Variants in HBS1L observed in about 807,000 individuals in gnomAD.
HBS1L encodes HBS1-like protein.
Under a neutral mutation model 88.9 loss-of-function variants are expected in HBS1L, and 55 were observed. The ratio of observed to expected loss-of-function variants is 0.62; its 90% CI spans 0.50 to 0.77. The LOEUF (loss-of-function observed/expected upper bound fraction) is 0.77. HBS1L is among the 30% of genes least tolerant of loss of function. HBS1L has a pLI of 0.00. For missense variants in HBS1L, 741 were observed against 829.3 expected (o/e 0.89, Z 1.31); for synonymous variants, 267 against 288.5 (o/e 0.93, Z 0.76).
chr6:135,050,475 T>G, intron 2 of HBS1L, 107 bp downstream of exon 2: 1 of 633,000 alleles, frequency 1.6e-6, no homozygotes, highest in Non-Finnish European at 2.7e-6. Flanking sequence ...ATTAACTTTT[T>G]AAATGTTATA....
intron 4 of HBS1L, among the ~76,000 whole-genome samples, chr6:135,034,417 G>A (rs146928197): frequency 1.4e-4 from 21 of 152,300 alleles, no homozygotes; most frequent in African/African-American, 5.1e-4. Flanking sequence ...GCCGAGGTGG[G>A]CGGATCATCT....
At chr6:134,995,364 A>G (rs1247213357) in intron 7 of HBS1L, among the ~76,000 whole-genome samples, 1 of 152,112 alleles carries the variant, frequency 6.6e-6, no homozygotes, top group East Asian at 1.9e-4. Flanking sequence ...AACTCCCATC[A>G]TGTACCTGGA....
rs149787764 is a variant in HBS1L at position 135,039,619 on chromosome 6, C to G, written c.384G>C (p.Leu128Phe). The G allele has an allele frequency of 2.5e-3, 3,964 of 1,614,114 alleles. 9 individuals are homozygous for G. Among genetic ancestry groups the G allele is most frequent in the Non-Finnish European group, 2.8e-3 (3,353 of 1,179,992 alleles). Residue 128 changes from leucine (L) to phenylalanine (F), a missense_variant, in exon 4 of 18, where the codon TTG (leucine) becomes TTC (phenylalanine). Around this residue, in one of 3 missense-constraint regions of HBS1L, gnomAD observed 556 missense variants for 598.4 expected, o/e 0.93. Transcript: ENST00000367837. ...ATACTGTTGCCTCATTCTTGTCCTT[C>G]AAACTCTGCACTCTATCTTGTTCCA... ...GVLEQDRVQSLKDKNEATVST... is the reference protein window; with the variant it reads ...GVLEQDRVQSFKDKNEATVST...
At chr6:135,038,376 A>AC (rs398085325) in intron 4 of HBS1L, among the ~76,000 whole-genome samples, 2 of 152,002 alleles carry the variant, frequency 1.3e-5, no homozygotes, top group Admixed American at 6.6e-5. Context: ...TCTTTAAAAA[A>AC]ACAAAAAAAA....
At chr6:134,982,733 A>C in intron 12 of HBS1L, 171 bp from the exon 13 acceptor site, 1 of 398,162 alleles carries the variant, frequency 2.5e-6, no homozygotes, top group East Asian at 3.7e-5. Context: ...ACCACACTTT[A>C]CTTTTTTTTT....
At chr6:135,003,569 A>C (rs1775524878) in intron 4 of HBS1L, among the ~76,000 whole-genome samples, 1 of 47,316 alleles carries the variant, frequency 2.1e-5, no homozygotes, top group African/African-American at 4.7e-5. Context: ...TCCATCTCTT[A>C]AAAAAAAAAA....
In HBS1L at chr6:134,961,339, T is replaced by TTAAC. The variant is rs1404315834; in HGVS notation, c.*3936_*3939dup. 2 of 152,332 alleles carry TTAAC rather than the reference T, an allele frequency of 1.3e-5. No homozygotes were observed. Among genetic ancestry groups the TTAAC allele is most frequent in the African/African-American group, 4.8e-5 (2 of 41,570 alleles). 9.4% of individuals were successfully genotyped at this position (152,332 alleles called of 1,614,324 possible). A position where few individuals can be genotyped will look rare whatever the true frequency, so the allele number is the denominator to read the frequency against. ...GTATTTTACACCTACATTTACACTA[T>TTAAC]TAACTTATTTGTACATACTTAAATG... is the stretch of plus-strand genomic sequence containing the variant. On this transcript the variant is annotated 3_prime_UTR_variant, in exon 18 of 18. Coordinates refer to ENST00000367837, the MANE Select transcript of HBS1L (RefSeq NM_006620.4).
intron 4 of HBS1L, among the ~76,000 whole-genome samples, chr6:135,022,945 ATCTCCTCATAAAAATC>A (rs1776114285): frequency 6.6e-6 from 1 of 151,794 alleles, no homozygotes; most frequent in Admixed American, 6.6e-5. Context: ...AAGAGGTTGC[ATCTCCTCATAAAAATC>A]AAATGTTACT....
At chr6:135,025,973 A>T (rs1269079188) in intron 4 of HBS1L, among the ~76,000 whole-genome samples, 1 of 152,208 alleles carries the variant, frequency 6.6e-6, no homozygotes, top group Non-Finnish European at 1.5e-5. Flanking sequence ...TGGAGGTGGC[A>T]GAATCGAGGT....
At chr6:135,049,729 G>A (rs1265957352) in intron 2 of HBS1L, among the ~76,000 whole-genome samples, 1 of 152,096 alleles carries the variant, frequency 6.6e-6, no homozygotes, top group Non-Finnish European at 1.5e-5. Flanking sequence ...TCGCCACCAT[G>A]CCTGGCTACT....
chr6:134,970,617 C>A (rs961133051), intron 15 of HBS1L, among the ~76,000 whole-genome samples: 12 of 152,096 alleles, frequency 7.9e-5, no homozygotes, highest in Non-Finnish European at 8.8e-5. Context: ...AAATTAAAAT[C>A]AAAAAGGTTA....
intron 11 of HBS1L, 80 bp from the exon 12 acceptor site, chr6:134,985,489 C>T: frequency 1.3e-6 from 1 of 788,958 alleles, no homozygotes. Context: ...CATTATAATC[C>T]CACTTCTCCT....
intron 12 of HBS1L, among the ~76,000 whole-genome samples, chr6:134,984,180 G>A (rs1774914193): frequency 6.6e-6 from 1 of 152,142 alleles, no homozygotes; most frequent in African/African-American, 2.4e-5. Flanking sequence ...TAAACAATGG[G>A]CATCTTGGAA....
chr6:135,014,895 C>T (rs2114843051), intron 4 of HBS1L, among the ~76,000 whole-genome samples: 1 of 148,162 alleles, frequency 6.7e-6, no homozygotes, highest in South Asian at 2.2e-4. Context: ...ATTAGCTGGG[C>T]ATAGTGGTAC....
Position 134,961,066 on chromosome 6 carries a change from T to G in HBS1L, c.*4213A>C, listed in dbSNP as rs1245315156. The stretch of plus-strand genomic sequence containing the variant: ...ATTTTCTTGTTTCCTTTCCATCTTT[T>G]GCTGTACAGACTTAGTTTCTTTGCT... On this transcript the variant is annotated 3_prime_UTR_variant, in exon 18 of 18. Transcript: ENST00000367837. 1 of 150,960 alleles carries G rather than the reference T, an allele frequency of 6.6e-6. No individual in the cohort carries two copies. The highest frequency in any genetic ancestry group is 2.4e-5 in the African/African-American group (1 of 41,204). The allele number at this position is 150,960 out of a possible 1,614,324, so 9.4% of individuals were successfully genotyped here.
intron 3 of HBS1L, 37 bp from the exon 4 acceptor site, chr6:135,039,804 T>C (rs1776673463): frequency 4.6e-6 from 7 of 1,521,522 alleles, no homozygotes; most frequent in Non-Finnish European, 6.2e-6. Flanking sequence ...CTATACTAAA[T>C]GGTGCAATGA....
At chr6:134,994,350 T>C (rs768688452) in intron 7 of HBS1L, among the ~76,000 whole-genome samples, 5 of 152,110 alleles carry the variant, frequency 3.3e-5, no homozygotes, top group Non-Finnish European at 7.4e-5. Flanking sequence ...TTAGAAAACA[T>C]AAGATATCAA....
chr6:135,027,067 C>T (rs920436439), intron 4 of HBS1L: 11 of 151,294 alleles, frequency 7.3e-5, no homozygotes, highest in African/African-American at 2.4e-4. Flanking sequence ...TTGCAGGCAC[C>T]TGTAATCCCA....
intron 4 of HBS1L, among the ~76,000 whole-genome samples, chr6:135,006,148 A>T (rs917101098): frequency 6.6e-6 from 1 of 152,244 alleles, no homozygotes; most frequent in Admixed American, 6.5e-5. Flanking sequence ...TCCAACAGGT[A>T]TAAGAAGAAA....
Sources: gnomAD v4.1 joint callset for allele counts (sites outside exome capture counted in the v4.1 genomes callset) on GRCh38, gnomAD v4.1.1 for gene constraint, gnomAD v4.1.1 regional missense constraint, MANE v1.5 for transcripts, NCBI Gene and HGNC (gene_info 2026-07-23, HGNC 2026-07-21) for gene names.